SKP2: variants seen among roughly 807,000 people sequenced by gnomAD.
The protein encoded by SKP2 is S-phase kinase-associated protein 2.
In SKP2, 16 loss-of-function variants were observed where a neutral mutation model predicts 51.8. The observed-to-expected ratio is 0.31, with a 90% CI of 0.21 to 0.47. The LOEUF (loss-of-function observed/expected upper bound fraction) is 0.47, where lower values mean the gene tolerates loss of function less well. SKP2 is among the 20% of genes least tolerant of loss of function. SKP2 has a pLI of 1.00. For synonymous variants in SKP2, 176 were observed against 198.6 expected (o/e 0.89, Z 0.96); for missense variants, 377 against 505.3 (o/e 0.75, Z 2.43).
Position 36,170,461 on chromosome 5 carries a change from T to G in SKP2, c.770+19T>G, listed in dbSNP as rs759714017. The G allele has an allele frequency of 1.4e-6, 2 of 1,400,790 alleles. No homozygotes were observed. Among genetic ancestry groups the G allele is most frequent in the Non-Finnish European group, 2.0e-6 (2 of 988,902 alleles). The allele number at this position is 1,400,790 out of a possible 1,614,324, so 86.8% of individuals were successfully genotyped here. A position where few individuals can be genotyped will look rare whatever the true frequency, so the allele number is the denominator to read the frequency against. On this transcript the variant is annotated intron_variant, in intron 6 of 9. Coordinates refer to ENST00000274255, the MANE Select transcript of SKP2 (RefSeq NM_005983.4). ...GTTCCAGGTATGAAAGATGTGAGAC[T>G]TGATTATAGACTCTTATGTCAAACG... is the stretch of plus-strand genomic sequence containing the variant.
intron 3 of SKP2, among the ~76,000 whole-genome samples, chr5:36,164,158 C>T (rs181291231): frequency 6.6e-6 from 1 of 152,312 alleles, no homozygotes; most frequent in Admixed American, 6.5e-5. Context: ...CACCCAGCCT[C>T]TGCTGCTTAC....
chr5:36,179,900 C>A (rs915379784), intron 9 of SKP2, among the ~76,000 whole-genome samples: 4 of 134,388 alleles, frequency 3.0e-5, no homozygotes, highest in Non-Finnish European at 6.6e-5. Flanking sequence ...GTAGGTAATG[C>A]ACATACCGGG....
At chr5:36,176,204 T>C (rs1216370535) in intron 7 of SKP2, among the ~76,000 whole-genome samples, 1 of 151,998 alleles carries the variant, frequency 6.6e-6, no homozygotes, top group Non-Finnish European at 1.5e-5. Flanking sequence ...AATGTAGATT[T>C]GTTCATGTTC....
chr5:36,191,241 G>GA (rs1179653068), intron 6 of SKP2, among the ~76,000 whole-genome samples: 1 of 152,094 alleles, frequency 6.6e-6, no homozygotes, highest in African/African-American at 2.4e-5. Flanking sequence ...AGACATTTTT[G>GA]ATGGTCACAA....
chr5:36,184,778 A>G (rs533099404), downstream of SKP2, among the ~76,000 whole-genome samples: 3 of 152,358 alleles, frequency 2.0e-5, no homozygotes, highest in Admixed American at 2.0e-4. Context: ...GTATATACCC[A>G]GTAATGGGAT....
intron 4 of SKP2, 30 bp from the exon 5 acceptor site, chr5:36,168,283 A>G (rs772445699): frequency 1.1e-5 from 18 of 1,608,300 alleles, no homozygotes; most frequent in Middle Eastern, 1.7e-4. Flanking sequence ...AGAGCCACCT[A>G]TGGAGCTCCT....
At chr5:36,162,829 C>T (rs1269422783) in intron 2 of SKP2, among the ~76,000 whole-genome samples, 1 of 152,154 alleles carries the variant, frequency 6.6e-6, no homozygotes, top group African/African-American at 2.4e-5. Context: ...ACAGTTCAGC[C>T]TGGCTGGGGA....
chr5:36,156,054 C>T (rs1325382046), intron 2 of SKP2, among the ~76,000 whole-genome samples: 2 of 152,132 alleles, frequency 1.3e-5, no homozygotes, highest in African/African-American at 4.8e-5. Context: ...ATGGTTAAAG[C>T]TGACTTCAAA....
chr5:36,173,482 G>A (rs1745537754), intron 7 of SKP2, among the ~76,000 whole-genome samples: 1 of 152,186 alleles, frequency 6.6e-6, no homozygotes, highest in Non-Finnish European at 1.5e-5. Context: ...AGGGAAGGCA[G>A]TGCCTTGTTT....
At chr5:36,191,169 A>G (rs1252623837) in intron 6 of SKP2, among the ~76,000 whole-genome samples, 3 of 152,182 alleles carry the variant, frequency 2.0e-5, no homozygotes, top group African/African-American at 7.2e-5. Context: ...TAGATCTAGC[A>G]ACAAAAAGCT....
chr5:36,161,004 C>T (rs939495122), intron 2 of SKP2, among the ~76,000 whole-genome samples: 1 of 152,106 alleles, frequency 6.6e-6, no homozygotes, highest in African/African-American at 2.4e-5. Flanking sequence ...CCTACTCATT[C>T]TTCAAGAGAG....
rs1380739412 is a variant in SKP2, at chr5:36,163,650, T to G, written c.286T>G (p.Ser96Ala). 1.2e-6 allele frequency: 2 copies of G among 1,610,204 alleles called. No homozygotes were observed. The highest frequency in any genetic ancestry group is 2.2e-5 in the South Asian group (2 of 90,998). ...CACTTGTTTTCCCTCCAAAGGTGTTTCATGGGACTCCCTTCCGGATGAGCT... is the reference window on the plus strand; with the variant it reads ...CACTTGTTTTCCCTCCAAAGGTGTTGCATGGGACTCCCTTCCGGATGAGCT... ...KLNRENFPGVSWDSLPDELLL... is the reference protein window; with the variant it reads ...KLNRENFPGVAWDSLPDELLL... Residue 96 changes from serine to alanine, a missense_variant, in exon 3 of 10, where the codon TCA (serine) becomes GCA (alanine). By Grantham distance (99) the Ser-to-Ala change is moderately conservative. Transcript: ENST00000274255.
intron 3 of SKP2, among the ~76,000 whole-genome samples, chr5:36,164,333 T>C (rs943264606): frequency 2.0e-5 from 3 of 152,174 alleles, no homozygotes; most frequent in Non-Finnish European, 4.4e-5. Context: ...AGAGTAGCCA[T>C]TGGTGGGGTT....
At position 36,170,325 on chromosome 5, in the gene SKP2, C is replaced by T. The variant is rs568954499; in HGVS notation, c.672-19C>T. ...TGTCTTACTGGTCTTTTTCTTCTGACGTTTTTCTCTTTTTCCAGTACTCTC... is the reference window on the plus strand; with the variant it reads ...TGTCTTACTGGTCTTTTTCTTCTGATGTTTTTCTCTTTTTCCAGTACTCTC... On this transcript the variant is annotated intron_variant, in intron 5 of 9. Coordinates refer to ENST00000274255, the MANE Select transcript of SKP2 (RefSeq NM_005983.4). 13 of 1,460,308 alleles carry T rather than the reference C, an allele frequency of 8.9e-6. No homozygotes were observed. Among genetic ancestry groups the T allele is most frequent in the East Asian group, 4.5e-5 (2 of 44,036 alleles). The allele number at this position is 1,460,308 out of a possible 1,614,324, so 90.5% of individuals were successfully genotyped here.
At position 36,155,607 on chromosome 5, in the gene SKP2, T is replaced by C. The variant is rs568458757; in HGVS notation, c.280+2565T>C. ...TATCTTTTGTTTTTAATATTGTTAC[T>C]CTGACCCTGTTAGTATAAAATTTTT... On this transcript the variant is annotated intron_variant, in intron 2 of 9. Coordinates refer to ENST00000274255, the MANE Select transcript of SKP2 (RefSeq NM_005983.4). Among the ~76,000 whole-genome samples, 6 of 152,360 alleles carry C rather than the reference T, an allele frequency of 3.9e-5. No individual in the cohort carries two copies. In the South Asian group the frequency reaches 1.2e-3, roughly 32 times the overall value.
At chr5:36,164,830 CATG>C (rs542376116) in intron 3 of SKP2, among the ~76,000 whole-genome samples, 145 of 152,312 alleles carry the variant, frequency 9.5e-4, no homozygotes, top group African/African-American at 3.1e-3. Context: ...AGGTATACAG[CATG>C]ATATTTTGTT....
intron 9 of SKP2, chr5:36,180,249 T>G (rs1447706641): frequency 4.5e-6 from 6 of 1,347,780 alleles, no homozygotes; most frequent in Non-Finnish European, 4.9e-6. Flanking sequence ...TTCCCAAGTT[T>G]CACATGAGGG....
At chr5:36,162,550 C>T (rs1049957162) in intron 2 of SKP2, among the ~76,000 whole-genome samples, 5 of 152,110 alleles carry the variant, frequency 3.3e-5, no homozygotes, top group East Asian at 1.9e-4. Flanking sequence ...TTATCTGTTC[C>T]GCATTACTGG....
intron 2 of SKP2, 62 bp from the exon 3 acceptor site, chr5:36,163,583 G>T (rs1230884927): frequency 2.0e-5 from 20 of 981,642 alleles, no homozygotes; most frequent in Non-Finnish European, 3.0e-5. Context: ...TGTTTGAAAA[G>T]ACTCAGTAGA....
Sources: allele counts gnomAD v4.1 joint callset (sites outside exome capture counted in the v4.1 genomes callset), GRCh38; gene constraint gnomAD v4.1.1; transcripts MANE v1.5; gene names NCBI Gene and HGNC (gene_info 2026-07-23, HGNC 2026-07-21).